The following ODAD4 variants were observed in gnomAD, a reference collection of about 807,000 sequenced individuals.
ODAD4 encodes outer dynein arm-docking complex subunit 4.
ODAD4 carries 49 observed loss-of-function variants against 51.8 expected under a neutral mutation model. The ratio of observed to expected loss-of-function variants is 0.95; its 90% confidence interval spans 0.75 to 1.20. The LOEUF (loss-of-function observed/expected upper bound fraction) is 1.20, where lower values mean the gene tolerates loss of function less well. Ranked by LOEUF, ODAD4 falls within the 50% of genes most tolerant of loss-of-function variation. The pLI, the probability that ODAD4 is intolerant of heterozygous loss-of-function variation, is 0.00. For missense variants in ODAD4, 590 were observed against 586.5 expected (o/e 1.01, Z -0.06); for synonymous variants, 235 against 221.3 (o/e 1.06, Z -0.55).
chr17:41,956,031 T>A (rs1350424157), intron 10 of ODAD4, among the ~76,000 whole-genome samples: 2 of 150,552 alleles, frequency 1.3e-5, no homozygotes, highest in African/African-American at 4.9e-5. Flanking sequence ...GGATTACACG[T>A]GTAAACTGTA....
chr17:41,959,631 C>T lies in ODAD4; in HGVS notation c.1444-1751C>T, dbSNP rs546187372. The stretch of plus-strand genomic sequence containing the variant: ...GTGCACTGAAGACGTGGGAGGTCGG[C>T]GCTGAGGGCTGGTGGCCGGCAGAAG... On this transcript the variant is annotated intron_variant, in intron 10 of 11. Transcript: ENST00000377540. Among the ~76,000 whole-genome samples, 35 of 152,200 alleles carry T rather than the reference C, an allele frequency of 2.3e-4. 1 individual carries two copies. The highest frequency in any genetic ancestry group is 7.0e-4 in the African/African-American group (29 of 41,528).
intron 6 of ODAD4, 66 bp from the exon 7 acceptor site, chr17:41,938,899 G>A: frequency 6.3e-7 from 1 of 1,580,328 alleles, no homozygotes; most frequent in Non-Finnish European, 8.6e-7. Flanking sequence ...TCTGCAGGAA[G>A]AGGAGTTACC....
At chr17:41,955,707 AGC>A in intron 10 of ODAD4, among the ~76,000 whole-genome samples, 1 of 152,198 alleles carries the variant, frequency 6.6e-6, no homozygotes, top group South Asian at 2.1e-4. Context: ...TACAGGCGTG[AGC>A]CACTGTGCCC....
chr17:41,940,479 T>C (rs1395036295), intron 7 of ODAD4, among the ~76,000 whole-genome samples: 1 of 152,184 alleles, frequency 6.6e-6, no homozygotes, highest in Non-Finnish European at 1.5e-5. Context: ...CCAAGCCCCA[T>C]ATGCTTTCCA....
rs1472510607 is a variant in ODAD4 at position 41,955,201 on chromosome 17, T to TC, written c.1343-12dup. On this transcript the variant is annotated splice_polypyrimidine_tract_variant and intron_variant, in intron 9 of 11. Coordinates refer to ENST00000377540, the MANE Select transcript of ODAD4 (RefSeq NM_031421.5). ...CACACTCTACCTGTGTTGTGCCTTC[T>TC]CCCCTTGCTCTCCAGTGAAGCTGAG... 1 of 770,146 alleles carries TC rather than the reference T, an allele frequency of 1.3e-6. No individual in the cohort carries two copies. The highest frequency in any genetic ancestry group is 2.4e-6 in the Non-Finnish European group (1 of 412,914). The allele number at this position is 770,146 out of a possible 1,614,324, so 47.7% of individuals were successfully genotyped here.
At chr17:41,955,491 G>A (rs113339258) in intron 10 of ODAD4, among the ~76,000 whole-genome samples, 174 bp downstream of exon 10, 316 of 152,222 alleles carry the variant, frequency 2.1e-3, no homozygotes, top group African/African-American at 7.4e-3. Context: ...GCAATGGCGT[G>A]ATCTCGGCTC....
chr17:41,961,243 G>GATCTC, intron 10 of ODAD4, 139 bp from the exon 11 acceptor site: 1 of 615,200 alleles, frequency 1.6e-6, no homozygotes, highest in East Asian at 2.8e-5. Flanking sequence ...CCTGAGGGTA[G>GATCTC]GGGTCATTGG....
At chr17:41,950,515 T>C (rs2050638751) in intron 9 of ODAD4, among the ~76,000 whole-genome samples, 1 of 151,326 alleles carries the variant, frequency 6.6e-6, no homozygotes, top group African/African-American at 2.4e-5. Context: ...CCTGAGTAGC[T>C]GGGATTACAT....
chr17:41,934,435 C>T (rs1344868289), intron 1 of ODAD4, among the ~76,000 whole-genome samples: 4 of 151,420 alleles, frequency 2.6e-5, no homozygotes, highest in South Asian at 2.1e-4. Context: ...TATGCAGCCT[C>T]GACCTCTCCA....
At chr17:41,936,965 A>G in intron 5 of ODAD4, 38 bp downstream of exon 5, 2 of 1,607,154 alleles carry the variant, frequency 1.2e-6, no homozygotes, top group African/African-American at 1.3e-5. Flanking sequence ...CTTGGGGGAA[A>G]GGAAATCTGG....
Position 41,950,114 on chromosome 17 carries a change from C to T in ODAD4, c.1342+765C>T, listed in dbSNP as rs935000708. On this transcript the variant is annotated intron_variant, in intron 9 of 11. Coordinates refer to ENST00000377540, the MANE Select transcript of ODAD4 (RefSeq NM_031421.5). ...CCTCCAGGGTAGCTGGGATTACAGG[C>T]GCGCACCACCACACCCGGCTAATTT... is the stretch of plus-strand genomic sequence containing the variant. Among the ~76,000 whole-genome samples the T allele has an allele frequency of 3.1e-4, 47 of 151,520 alleles. No homozygotes were observed. The East Asian group carries it at 6.7e-3, about 21-fold the overall frequency.
intron 5 of ODAD4, 184 bp downstream of exon 5, chr17:41,937,111 C>T (rs976863596): frequency 9.0e-6 from 6 of 669,218 alleles, no homozygotes; most frequent in Non-Finnish European, 1.5e-5. Context: ...AAACTAAGGT[C>T]ATATATAGGT....
intron 5 of ODAD4, 26 bp from the exon 6 acceptor site, chr17:41,938,531 C>T (rs368896204): frequency 1.1e-4 from 183 of 1,595,416 alleles, no homozygotes; most frequent in Non-Finnish European, 1.4e-4. Context: ...TTCTCCTTGG[C>T]GCCTCCTCAC....
chr17:41,953,023 C>T (rs890930245), intron 9 of ODAD4, among the ~76,000 whole-genome samples: 2 of 152,072 alleles, frequency 1.3e-5, no homozygotes, highest in African/African-American at 4.8e-5. Context: ...AGGCATGAGC[C>T]GCTGTGTCTA....
At chr17:41,955,170 C>T (rs557610853) in intron 9 of ODAD4, 47 bp from the exon 10 acceptor site, 15 of 748,482 alleles carry the variant, frequency 2.0e-5, no homozygotes, top group East Asian at 1.3e-4. Flanking sequence ...ATGCACCACA[C>T]GTTGTCACAC....
rs1567942749 is a variant in ODAD4, at chr17:41,965,222, A to C, written c.1758A>C (p.Ser586=). 1 of 775,652 alleles carries C rather than the reference A, an allele frequency of 1.3e-6. No individual in the cohort carries two copies. The highest frequency in any genetic ancestry group is 1.7e-5 in the African/African-American group (1 of 59,160). The allele number at this position is 775,652 out of a possible 1,614,324, so 48.0% of individuals were successfully genotyped here. A position where few individuals can be genotyped will look rare whatever the true frequency, so the allele number is the denominator to read the frequency against. The part of the protein sequence containing the change: ...SDLGAVAKGL[S]GELGTRSGET... ...TGGGAGCAGTTGCCAAGGGCCTGTC[A>C]GGAGAATTAGGCACAAGATCAGGAG... The change falls in exon 12 of 12, where the codon TCA becomes TCC. Residue 586 remains serine (S), a synonymous_variant. Transcript: ENST00000377540.
At position 41,963,157 on chromosome 17, in the gene ODAD4, G is replaced by C. The variant is rs2050827813; in HGVS notation, c.1528+1691G>C. On this transcript the variant is annotated intron_variant, in intron 11 of 11. Coordinates refer to ENST00000377540, the MANE Select transcript of ODAD4 (RefSeq NM_031421.5). ...GCACGTCCCTCTCAGAACAGCAGGT[G>C]GCAGCATTGCATCTGTTTTCACCAC... Among the ~76,000 whole-genome samples the C allele has an allele frequency of 1.3e-5, 2 of 152,186 alleles. 1 individual carries two copies. Among genetic ancestry groups the C allele is most frequent in the South Asian group, 4.1e-4 (2 of 4,834 alleles).
intron 11 of ODAD4, among the ~76,000 whole-genome samples, chr17:41,962,338 C>A (rs1210859670): frequency 1.3e-5 from 2 of 152,156 alleles, no homozygotes; most frequent in African/African-American, 4.8e-5. Flanking sequence ...GACAGCTGTG[C>A]CTTACCACAT....
chr17:41,965,684 G>T lies in ODAD4; in HGVS notation c.*201G>T, dbSNP rs1180939094. ...TCTGTCACTTTGCCTCTTCACCCCT[G>T]CCCATTCTTGGAAGAGCATCGTGGA... On this transcript the variant is annotated 3_prime_UTR_variant, in exon 12 of 12. Transcript: ENST00000377540. The T allele has an allele frequency of 1.9e-6, 1 of 537,616 alleles. No individual in the cohort carries two copies. Among genetic ancestry groups the T allele is most frequent in the African/African-American group, 1.9e-5 (1 of 52,190 alleles). The allele number at this position is 537,616 out of a possible 1,614,324, so 33.3% of individuals were successfully genotyped here.
Sources: gnomAD v4.1 joint callset for allele counts (sites outside exome capture counted in the v4.1 genomes callset) on GRCh38, gnomAD v4.1.1 for gene constraint, MANE v1.5 for transcripts, NCBI Gene and HGNC (gene_info 2026-07-23, HGNC 2026-07-21) for gene names.